MAP4: variants seen among roughly 807,000 people sequenced by gnomAD.
The protein encoded by MAP4 is microtubule associated protein 4.
In MAP4, 76 loss-of-function variants were observed where a neutral mutation model predicts 170.2. The observed-to-expected ratio is 0.45, with a 90% CI of 0.37 to 0.54. The LOEUF (loss-of-function observed/expected upper bound fraction) is 0.54, where lower values mean the gene tolerates loss of function less well. Ranked by LOEUF, MAP4 falls within the 20% of genes least tolerant of loss-of-function variation. The pLI, the probability that MAP4 is intolerant of heterozygous loss-of-function variation, is 0.00. For missense variants in MAP4, 2,506 were observed against 2,748.0 expected, an observed-to-expected ratio of 0.91 and a Z score of 1.97; for synonymous variants, 909 against 994.5, an observed-to-expected ratio of 0.91 and a Z score of 1.62.
At chr3:47,935,107 TA>T (rs1403589872) in intron 3 of MAP4, among the ~76,000 whole-genome samples, 2 of 152,264 alleles carry the variant, frequency 1.3e-5, no homozygotes, top group African/African-American at 4.8e-5. Context: ...AAATTATTGC[TA>T]ATCCTATAAT....
chr3:47,987,400 GA>G, intron 2 of MAP4: 1 of 1,533,376 alleles, frequency 6.5e-7, no homozygotes, highest in Non-Finnish European at 8.7e-7. Context: ...AAGATGAAAA[GA>G]AAGGCTGGCA....
chr3:47,857,036 C>CT (rs1455183800), intron 18 of MAP4, among the ~76,000 whole-genome samples: 2 of 152,224 alleles, frequency 1.3e-5, no homozygotes, highest in African/African-American at 2.4e-5. Context: ...TGGGAGCACC[C>CT]TTTGCTCCTG....
intron 1 of MAP4, among the ~76,000 whole-genome samples, chr3:48,056,799 T>G (rs1179154507): frequency 2.9e-4 from 12 of 41,176 alleles, no homozygotes; most frequent in Admixed American, 6.9e-4. Flanking sequence ...GGTGGGGGGG[T>G]CAGCCCCCCG....
At chr3:47,880,218 C>G (rs1017543077) in intron 10 of MAP4, among the ~76,000 whole-genome samples, 6 of 151,422 alleles carry the variant, frequency 4.0e-5, no homozygotes, top group Non-Finnish European at 8.8e-5. Flanking sequence ...CTCAGCCTCC[C>G]AAGTAGCTGG....
intron 1 of MAP4, among the ~76,000 whole-genome samples, chr3:48,028,359 A>G (rs1481427335): frequency 6.6e-6 from 1 of 152,174 alleles, no homozygotes; most frequent in African/African-American, 2.4e-5. Flanking sequence ...TTAAATCAAC[A>G]TCAACTCTAA....
chr3:47,929,153 G>A (rs1384363264), intron 3 of MAP4, among the ~76,000 whole-genome samples: 1 of 152,118 alleles, frequency 6.6e-6, no homozygotes, highest in African/African-American at 2.4e-5. Context: ...TCAGGAGTTC[G>A]AGACCAGCCT....
At chr3:48,021,258 GAA>G (rs1306810204), upstream of MAP4, among the ~76,000 whole-genome samples, 1 of 151,974 alleles carries the variant, frequency 6.6e-6, no homozygotes, top group Non-Finnish European at 1.5e-5. Context: ...GTGCTTTTAG[GAA>G]AAACCTATAA....
At chr3:48,031,982 C>T (rs767754214) in intron 1 of MAP4, among the ~76,000 whole-genome samples, 6 of 152,034 alleles carry the variant, frequency 3.9e-5, no homozygotes, top group Non-Finnish European at 5.9e-5. Flanking sequence ...GGCACTTTAC[C>T]TCTGTGATCT....
chr3:47,982,901 CTTTG>C lies in MAP4; in HGVS notation c.224-4972_224-4969del, dbSNP rs375689186. 4.0e-5 allele frequency among the ~76,000 whole-genome samples: 6 copies of C among 151,872 alleles called. 1 individual carries two copies. Among genetic ancestry groups the C allele is most frequent in the African/African-American group, 1.4e-4 (6 of 41,504 alleles). On this transcript the variant is annotated intron_variant, in intron 2 of 20. Transcript: ENST00000683076. Reference sequence around the variant, plus strand: ...ATTACATGAAAATGAAGGGAGTTTTCTTTGTTTTTTGTTTGAGACAGAGTCTAGC... The same window carrying C: ...ATTACATGAAAATGAAGGGAGTTTTCTTTTTTGTTTGAGACAGAGTCTAGC...
chr3:48,020,603 T>G (rs138609812), upstream of MAP4, among the ~76,000 whole-genome samples: 9 of 152,306 alleles, frequency 5.9e-5, no homozygotes, highest in East Asian at 1.7e-3. Flanking sequence ...GGGAATATCA[T>G]TATTAAATGA....
intron 10 of MAP4, 38 bp downstream of exon 10, chr3:47,902,912 T>C: frequency 1.0e-6 from 1 of 954,340 alleles, no homozygotes; most frequent in South Asian, 4.9e-5. Context: ...TCTGGGTTTA[T>C]AAATTACTTC....
intron 1 of MAP4, among the ~76,000 whole-genome samples, chr3:48,066,990 A>G (rs6769375): frequency 0.01 from 1,578 of 151,824 alleles, 27 homozygotes; most frequent in African/African-American, 0.036. Context: ...ACAAGCGCCC[A>G]TCACCACGCC....
intron 1 of MAP4, among the ~76,000 whole-genome samples, chr3:48,080,921 G>C (rs1023813260): frequency 6.6e-6 from 1 of 152,204 alleles, no homozygotes; most frequent in Non-Finnish European, 1.5e-5. Flanking sequence ...TCAGGAGATA[G>C]AGACCATCCT....
intron 3 of MAP4, among the ~76,000 whole-genome samples, chr3:47,933,285 A>G (rs1430153485): frequency 6.6e-6 from 1 of 152,164 alleles, no homozygotes; most frequent in Non-Finnish European, 1.5e-5. Context: ...AGGGTAATAA[A>G]AAAATGTTCT....
chr3:47,966,272 G>C (rs2100074962), intron 3 of MAP4, among the ~76,000 whole-genome samples: 1 of 89,986 alleles, frequency 1.1e-5, no homozygotes, highest in African/African-American at 4.3e-5. Flanking sequence ...TTTTGAGACA[G>C]AGTCTTGCTC....
intron 1 of MAP4, among the ~76,000 whole-genome samples, chr3:48,049,806 C>T (rs964893736): frequency 3.3e-5 from 5 of 150,944 alleles, no homozygotes; most frequent in Admixed American, 6.6e-5. Flanking sequence ...GGCATGGTGG[C>T]GCGTGCCTGT....
intron 1 of MAP4, among the ~76,000 whole-genome samples, chr3:48,054,204 A>C (rs1475243558): frequency 2.6e-5 from 4 of 152,168 alleles, no homozygotes; most frequent in African/African-American, 9.7e-5. Flanking sequence ...AGGCTGAGGA[A>C]GGAGAATCAC....
At chr3:47,862,367 A>G (rs1324724260) in intron 17 of MAP4, among the ~76,000 whole-genome samples, 2 of 149,438 alleles carry the variant, frequency 1.3e-5, no homozygotes, top group African/African-American at 4.9e-5. Flanking sequence ...AAAAAAAAAA[A>G]AAAAAAAAGA....
chr3:47,881,560 C>T (rs2096774134), intron 10 of MAP4, among the ~76,000 whole-genome samples: 1 of 134,098 alleles, frequency 7.5e-6, no homozygotes, highest in African/African-American at 2.8e-5. Flanking sequence ...TATTTCTTTC[C>T]ATCTTTTAAC....
Sources: allele counts gnomAD v4.1 joint callset (sites outside exome capture counted in the v4.1 genomes callset), GRCh38; gene constraint gnomAD v4.1.1; transcripts MANE v1.5; gene names NCBI Gene and HGNC (gene_info 2026-07-23, HGNC 2026-07-21).